The following ARHGAP26 variants were observed in gnomAD, a reference collection of about 807,000 sequenced individuals.
ARHGAP26 encodes the protein rho GTPase-activating protein 26.
In ARHGAP26, 38 loss-of-function variants were observed where a neutral mutation model predicts 104.8. The ratio of observed to expected loss-of-function variants is 0.36; its 90% CI spans 0.28 to 0.48. ARHGAP26 has a LOEUF of 0.48. ARHGAP26 is among the 20% of genes least tolerant of loss of function. The probability of loss-of-function intolerance (pLI) is 0.99; values close to 1 mark genes in which losing one functional copy is unlikely to be tolerated. For synonymous variants in ARHGAP26, 341 were observed against 340.0 expected (o/e 1.00, Z -0.03); for missense variants, 704 against 947.9 (o/e 0.74, Z 3.38).
intron 17 of ARHGAP26, among the ~76,000 whole-genome samples, chr5:143,120,775 G>A (rs574202707): frequency 3.2e-4 from 49 of 152,190 alleles, no homozygotes; most frequent in Non-Finnish European, 1.8e-4. Flanking sequence ...ATGATAAAGC[G>A]TGTCATATCC....
chr5:142,836,972 G>GT (rs989685877), intron 1 of ARHGAP26, among the ~76,000 whole-genome samples: 15 of 152,288 alleles, frequency 9.8e-5, no homozygotes, highest in African/African-American at 2.9e-4. Flanking sequence ...TTCAAATCCT[G>GT]TTTTTTCCTG....
At chr5:142,936,717 C>G (rs1038195292) in intron 11 of ARHGAP26, among the ~76,000 whole-genome samples, 1 of 151,904 alleles carries the variant, frequency 6.6e-6, no homozygotes, top group African/African-American at 2.4e-5. Context: ...GAAATAGACT[C>G]ACACAAATAT....
intron 11 of ARHGAP26, among the ~76,000 whole-genome samples, chr5:142,948,118 G>A (rs1183981371): frequency 2.0e-5 from 3 of 152,064 alleles, no homozygotes; most frequent in Non-Finnish European, 4.4e-5. Context: ...GCTTTGATGC[G>A]GCACTTTAGA....
At position 142,770,647 on chromosome 5, in the gene ARHGAP26, TG is replaced by T; in HGVS notation, c.-113del. On this transcript the variant is annotated 5_prime_UTR_variant, in exon 1 of 23. Coordinates refer to ENST00000645722, the MANE Select transcript of ARHGAP26 (RefSeq NM_001135608.3). Reference sequence around the variant, plus strand: ...GCGGAGTGAGCCAGCGCCACACCTGTGGAGCCGGCGGCCGTCGGGGGAGCCG... The same window carrying T: ...GCGGAGTGAGCCAGCGCCACACCTGTGAGCCGGCGGCCGTCGGGGGAGCCG... 1 of 773,864 alleles carries T rather than the reference TG, an allele frequency of 1.3e-6. No individual in the cohort carries two copies. The highest frequency in any genetic ancestry group is 1.6e-6 in the Non-Finnish European group (1 of 625,904). The allele number at this position is 773,864 out of a possible 1,614,324, so 47.9% of individuals were successfully genotyped here.
chr5:143,083,491 T>C (rs1173963667), intron 17 of ARHGAP26, among the ~76,000 whole-genome samples: 1 of 152,126 alleles, frequency 6.6e-6, no homozygotes, highest in Non-Finnish European at 1.5e-5. Flanking sequence ...GTTTAAGCTT[T>C]TTTACTTCTT....
chr5:143,050,075 C>T (rs1365465702), intron 14 of ARHGAP26, among the ~76,000 whole-genome samples: 2 of 152,160 alleles, frequency 1.3e-5, no homozygotes, highest in African/African-American at 4.8e-5. Context: ...CATGGCCTTT[C>T]CCCCACACCC....
intron 18 of ARHGAP26, among the ~76,000 whole-genome samples, chr5:143,125,776 C>T (rs1796656407): frequency 6.6e-6 from 1 of 152,136 alleles, no homozygotes; most frequent in Admixed American, 6.5e-5. Context: ...TTATTGTTTA[C>T]AAGATATTGT....
chr5:142,829,672 A>T (rs985207024), intron 1 of ARHGAP26, among the ~76,000 whole-genome samples: 1 of 152,358 alleles, frequency 6.6e-6, no homozygotes, highest in South Asian at 2.1e-4. Flanking sequence ...TTATATGTGT[A>T]ATTAGAGAGA....
intron 18 of ARHGAP26, among the ~76,000 whole-genome samples, chr5:143,132,436 A>C (rs76134582): frequency 6.6e-6 from 1 of 151,664 alleles, no homozygotes; most frequent in Non-Finnish European, 1.5e-5. Flanking sequence ...GAGGAGACCA[A>C]CTTCAAAGAA....
intron 1 of ARHGAP26, among the ~76,000 whole-genome samples, chr5:142,855,830 T>C (rs1011208472): frequency 5.3e-5 from 8 of 152,250 alleles, no homozygotes; most frequent in Non-Finnish European, 1.2e-4. Flanking sequence ...TGTAATGCCA[T>C]GAAGGCACAG....
chr5:143,090,190 G>C (rs2150519455), intron 17 of ARHGAP26, among the ~76,000 whole-genome samples: 1 of 152,400 alleles, frequency 6.6e-6, no homozygotes, highest in Middle Eastern at 3.4e-3. Context: ...AGCAGAGAGA[G>C]AGCGTGGCAT....
intron 11 of ARHGAP26, among the ~76,000 whole-genome samples, chr5:142,989,169 T>G (rs245720): frequency 1 from 151,638 of 152,262 alleles, 75,534 homozygotes; most frequent in Middle Eastern, 1. Flanking sequence ...ATGAATCTGG[T>G]TGCTCCTGTA....
intron 20 of ARHGAP26, among the ~76,000 whole-genome samples, chr5:143,193,693 A>G (rs1324006527): frequency 6.6e-6 from 1 of 152,218 alleles, no homozygotes; most frequent in Non-Finnish European, 1.5e-5. Context: ...TACTGACTTA[A>G]GGAAGGGAAA....
chr5:143,207,532 C>G (rs987291669), intron 21 of ARHGAP26: 1 of 1,587,012 alleles, frequency 6.3e-7, no homozygotes, highest in East Asian at 2.2e-5. Context: ...CCAGGGACAA[C>G]AGGGGGCTGC....
At chr5:142,999,148 A>G (rs1284377931) in intron 11 of ARHGAP26, among the ~76,000 whole-genome samples, 1 of 152,148 alleles carries the variant, frequency 6.6e-6, no homozygotes, top group Non-Finnish European at 1.5e-5. Flanking sequence ...TAAGATACAG[A>G]GAGACGAAGA....
At chr5:142,798,531 G>A (rs528505460) in intron 1 of ARHGAP26, among the ~76,000 whole-genome samples, 27 of 152,328 alleles carry the variant, frequency 1.8e-4, no homozygotes, top group African/African-American at 6.5e-4. Flanking sequence ...TGCTCTGACT[G>A]TGCTCTCAAA....
chr5:143,057,609 T>A, intron 16 of ARHGAP26, 33 bp from the exon 17 acceptor site: 2 of 1,576,946 alleles, frequency 1.3e-6, no homozygotes. Context: ...GCTGTGACAC[T>A]GATAAGATAT....
rs1757560742 is a variant in ARHGAP26 at position 142,885,405 on chromosome 5, A to G, written c.486+6A>G. ...AAGAATCTCAGCTTCAGGAGGTAAG[A>G]GACTTTATTAGTATCCTGAATAAAG... On this transcript the variant is annotated splice_donor_region_variant and intron_variant, in intron 5 of 22. Transcript: ENST00000645722. 1 of 1,605,714 alleles carries G rather than the reference A, an allele frequency of 6.2e-7. No individual in the cohort carries two copies. Among genetic ancestry groups the G allele is most frequent in the Admixed American group, 1.7e-5 (1 of 59,696 alleles).
chr5:142,994,249 T>G (rs1776057364), intron 11 of ARHGAP26, among the ~76,000 whole-genome samples: 1 of 152,172 alleles, frequency 6.6e-6, no homozygotes, highest in Non-Finnish European at 1.5e-5. Flanking sequence ...CGGGCAGAGA[T>G]GCATAGAAGG....
Sources: gnomAD v4.1 joint callset for allele counts (sites outside exome capture counted in the v4.1 genomes callset) on GRCh38, gnomAD v4.1.1 for gene constraint, MANE v1.5 for transcripts, NCBI Gene and HGNC (gene_info 2026-07-23, HGNC 2026-07-21) for gene names.